ABHD13: variants seen among roughly 807,000 people sequenced by gnomAD.
ABHD13 encodes protein ABHD13.
In ABHD13, 7 loss-of-function variants were observed where a neutral mutation model predicts 25.2. The ratio of observed to expected loss-of-function variants is 0.28; its 90% CI spans 0.16 to 0.52. The LOEUF (loss-of-function observed/expected upper bound fraction) is 0.52. Among genes scored for constraint, ABHD13 ranks in the 20% least tolerant of loss-of-function variants. The pLI is 0.96. For synonymous variants in ABHD13, 133 were observed against 136.1 expected, an observed-to-expected ratio of 0.98 and a Z score of 0.16; for missense variants, 302 against 402.7, an observed-to-expected ratio of 0.75 and a Z score of 2.14.
chr13:108,223,794 G>A (rs983369133), intron 1 of ABHD13, among the ~76,000 whole-genome samples: 1 of 152,188 alleles, frequency 6.6e-6, no homozygotes, highest in African/African-American at 2.4e-5. Flanking sequence ...AGAACCACTG[G>A]CATAGAAAGA....
chr13:108,226,286 A>G (rs1279785385), intron 1 of ABHD13, among the ~76,000 whole-genome samples: 1 of 152,192 alleles, frequency 6.6e-6, no homozygotes, highest in Non-Finnish European at 1.5e-5. Context: ...TCCACAGGAA[A>G]CAGTGTCTTT....
At chr13:108,225,795 A>C (rs941456006) in intron 1 of ABHD13, among the ~76,000 whole-genome samples, 3 of 152,158 alleles carry the variant, frequency 2.0e-5, no homozygotes, top group African/African-American at 7.2e-5. Flanking sequence ...GTAAAAGAAG[A>C]CTGGAAGATG....
intron 1 of ABHD13, among the ~76,000 whole-genome samples, chr13:108,226,010 G>A (rs183722386): frequency 4.6e-5 from 7 of 152,176 alleles, no homozygotes; most frequent in African/African-American, 1.4e-4. Flanking sequence ...CTGAAGACAC[G>A]TTTTATAGGT....
rs140536931 is a variant in ABHD13 at position 108,221,772 on chromosome 13, G to A, written c.-21+3113G>A. On this transcript the variant is annotated intron_variant, in intron 1 of 1. Coordinates refer to ENST00000375898, the MANE Select transcript of ABHD13 (RefSeq NM_032859.3). The stretch of plus-strand genomic sequence containing the variant: ...TTCACTATGGGTAATGCACTTTTTT[G>A]TATTTTTAAAAGACCATTTGCTGGT... 1.0e-3 allele frequency among the ~76,000 whole-genome samples: 152 copies of A among 151,420 alleles called. 1 individual carries two copies. Among genetic ancestry groups the A allele is most frequent in the African/African-American group, 3.1e-3 (129 of 41,260 alleles).
rs1424811053 is a variant in ABHD13 at position 108,232,122 on chromosome 13, T to C, written c.*1890T>C. Reference sequence around the variant, plus strand: ...CTTTAAAGTTTACAAAAAAAAACCTTATGTTTTTATGTAATCAGTCATTAC... The same window carrying C: ...CTTTAAAGTTTACAAAAAAAAACCTCATGTTTTTATGTAATCAGTCATTAC... On this transcript the variant is annotated 3_prime_UTR_variant, in exon 2 of 2. Transcript: ENST00000375898. 1 of 166,558 alleles carries C rather than the reference T, an allele frequency of 6.0e-6. No homozygotes were observed. The highest frequency in any genetic ancestry group is 1.5e-5 in the Non-Finnish European group (1 of 68,002). 10.3% of individuals were successfully genotyped at this position (166,558 alleles called of 1,614,324 possible). A position where few individuals can be genotyped will look rare whatever the true frequency, so the allele number is the denominator to read the frequency against.
chr13:108,224,385 A>T (rs1321514444), intron 1 of ABHD13, among the ~76,000 whole-genome samples: 1 of 152,208 alleles, frequency 6.6e-6, no homozygotes, highest in East Asian at 1.9e-4. Flanking sequence ...GGCCTGCTTC[A>T]GTGGTCCACG....
At chr13:108,223,331 C>A (rs1388036146) in intron 1 of ABHD13, among the ~76,000 whole-genome samples, 1 of 152,148 alleles carries the variant, frequency 6.6e-6, no homozygotes, top group Non-Finnish European at 1.5e-5. Context: ...TGTCAGTTGT[C>A]TTTTTAAATA....
In ABHD13 at chr13:108,229,242, G is replaced by A; in HGVS notation, c.24G>A (p.Trp8Ter). The A allele has an allele frequency of 6.4e-7, 1 of 1,564,200 alleles. No homozygotes were observed. The highest frequency in any genetic ancestry group is 8.6e-7 in the Non-Finnish European group (1 of 1,161,614). The change falls in exon 2 of 2, where the codon TGG becomes TGA. Residue 8 changes from tryptophan (W) to a stop codon, truncating the protein, a stop_gained. Coordinates refer to ENST00000375898, the MANE Select transcript of ABHD13 (RefSeq NM_032859.3). LOFTEE classifies it high-confidence loss of function. This position sits in a 1 kb window ranked among gnomAD's most constrained non-coding sequence, Gnocchi z 4.7. MEKSWML[W>*]NFVERWLIAL... ...CAATGGAAAAGTCCTGGATGCTGTG[G>A]AACTTTGTTGAAAGATGGCTAATAG...
At chr13:108,227,517 A>G (rs1879700662) in intron 1 of ABHD13, among the ~76,000 whole-genome samples, 2 of 152,096 alleles carry the variant, frequency 1.3e-5, no homozygotes, top group Non-Finnish European at 2.9e-5. Context: ...ATATAAATGT[A>G]AATATAAGAT....
chr13:108,222,837 A>G (rs1490379060), intron 1 of ABHD13, among the ~76,000 whole-genome samples: 1 of 152,244 alleles, frequency 6.6e-6, no homozygotes, highest in Non-Finnish European at 1.5e-5. Flanking sequence ...ATATTTTTGT[A>G]ATTATCTTTA....
In ABHD13 at chr13:108,218,394, A is replaced by C. The variant is rs1288448643; in HGVS notation, c.-286A>C. ...AGCGGCTTCTGCGCATGCTCGGAAGAGCGGGCAGGGTTCCCACTCCGGGAG... is the reference window on the plus strand; with the variant it reads ...AGCGGCTTCTGCGCATGCTCGGAAGCGCGGGCAGGGTTCCCACTCCGGGAG... On this transcript the variant is annotated 5_prime_UTR_variant, in exon 1 of 2. Coordinates refer to ENST00000375898, the MANE Select transcript of ABHD13 (RefSeq NM_032859.3). The C allele has an allele frequency of 6.6e-6, 1 of 152,052 alleles. No homozygotes were observed. The highest frequency in any genetic ancestry group is 1.9e-4 in the East Asian group (1 of 5,144). 9.4% of individuals were successfully genotyped at this position (152,052 alleles called of 1,614,324 possible).
At chr13:108,226,798 A>G (rs1314252282) in intron 1 of ABHD13, among the ~76,000 whole-genome samples, 1 of 152,106 alleles carries the variant, frequency 6.6e-6, no homozygotes. Context: ...CCTTCCTGAT[A>G]TTGTTCACTT....
rs1405428237 is a variant in ABHD13 at position 108,232,896 on chromosome 13, AAAC to A, written c.*2668_*2670del. 3 of 166,946 alleles carry A rather than the reference AAAC, an allele frequency of 1.8e-5. No individual in the cohort carries two copies. Among genetic ancestry groups the A allele is most frequent in the African/African-American group, 7.2e-5 (3 of 41,444 alleles). 10.3% of individuals were successfully genotyped at this position (166,946 alleles called of 1,614,324 possible). Reference sequence around the variant, plus strand: ...AGGTAATAGAATACTAGTAGGATAGAAACAACTAGAAAGGAAAGTGTGACACAG... The same window carrying A: ...AGGTAATAGAATACTAGTAGGATAGAAACTAGAAAGGAAAGTGTGACACAG... On this transcript the variant is annotated 3_prime_UTR_variant, in exon 2 of 2. Coordinates refer to ENST00000375898, the MANE Select transcript of ABHD13 (RefSeq NM_032859.3).
Position 108,229,360 on chromosome 13 carries a change from T to G in ABHD13, c.142T>G (p.Leu48Val). 2 of 1,612,822 alleles carry G rather than the reference T, an allele frequency of 1.2e-6. No individual in the cohort carries two copies. Among genetic ancestry groups the G allele is most frequent in the South Asian group, 2.2e-5 (2 of 90,974 alleles). The change falls in exon 2 of 2, where the codon TTA (leucine) becomes GTA (valine). Residue 48 changes from leucine to valine, a missense_variant. Transcript: ENST00000375898. The surrounding 1 kb of genome is among the most constrained non-coding windows in gnomAD (Gnocchi z 4.7). ...GTATGGAGGCATTATCTTACTTTTGTTAATATTCATATCAATAGCAGGTAT... is the reference window on the plus strand; with the variant it reads ...GTATGGAGGCATTATCTTACTTTTGGTAATATTCATATCAATAGCAGGTAT... Reference protein sequence around the residue: ...HLYGGIILLLLIFISIAGILY... With the variant: ...HLYGGIILLLVIFISIAGILY...
At chr13:108,226,942 T>C (rs375335494) in intron 1 of ABHD13, among the ~76,000 whole-genome samples, 6 of 152,032 alleles carry the variant, frequency 3.9e-5, no homozygotes, top group Admixed American at 2.0e-4. Flanking sequence ...AAACCAGCAA[T>C]ATAAGAATAT....
rs188663412 is a variant in ABHD13 at position 108,225,603 on chromosome 13, C to T, written c.-20-3596C>T. 2.2e-3 allele frequency among the ~76,000 whole-genome samples: 332 copies of T among 152,208 alleles called. 1 individual carries two copies. Among genetic ancestry groups the T allele is most frequent in the African/African-American group, 5.9e-3 (244 of 41,530 alleles). On this transcript the variant is annotated intron_variant, in intron 1 of 1. Transcript: ENST00000375898. ...ATTATGAGAAGTCAGTCAGCAAGTT[C>T]TCAGATAGTAAATGGTTAAGGAGTT... is the stretch of plus-strand genomic sequence containing the variant.
In ABHD13 at chr13:108,230,999, A is replaced by G. The variant is rs566325467; in HGVS notation, c.*767A>G. ...GAATTTTACTGCAGCTTTGATGTGC[A>G]TATTTGAACTTTTTAACATTTGTAA... is the stretch of plus-strand genomic sequence containing the variant. On this transcript the variant is annotated 3_prime_UTR_variant, in exon 2 of 2. Coordinates refer to ENST00000375898, the MANE Select transcript of ABHD13 (RefSeq NM_032859.3). 6.0e-6 allele frequency: 1 copy of G among 166,794 alleles called. No individual in the cohort carries two copies. Among genetic ancestry groups the G allele is most frequent in the Admixed American group, 6.6e-5 (1 of 15,224 alleles). The allele number at this position is 166,794 out of a possible 1,614,324, so 10.3% of individuals were successfully genotyped here.
At chr13:108,228,945 G>A (rs1879731313) in intron 1 of ABHD13, among the ~76,000 whole-genome samples, 1 of 151,502 alleles carries the variant, frequency 6.6e-6, no homozygotes, top group African/African-American at 2.4e-5. Context: ...TGAAGAATAA[G>A]CACTTGTTAA....
Position 108,229,129 on chromosome 13 carries a change from T to C in ABHD13, c.-20-70T>C. The C allele has an allele frequency of 1.6e-6, 2 of 1,220,162 alleles. No individual in the cohort carries two copies. Among genetic ancestry groups the C allele is most frequent in the Admixed American group, 5.2e-5 (2 of 38,814 alleles). The allele number at this position is 1,220,162 out of a possible 1,614,324, so 75.6% of individuals were successfully genotyped here. On this transcript the variant is annotated intron_variant, in intron 1 of 1. Transcript: ENST00000375898. The surrounding 1 kb of genome is among the most constrained non-coding windows in gnomAD (Gnocchi z 4.7). ...TTACATGTGGCCTAGTACCATAGTT[T>C]ATTATATTGTGGATTTTTAAAAGAA...
Sources: gnomAD v4.1 joint callset for allele counts (sites outside exome capture counted in the v4.1 genomes callset) on GRCh38, gnomAD v4.1.1 for gene constraint, Gnocchi (gnomAD v3.1) non-coding constraint, MANE v1.5 for transcripts, NCBI Gene and HGNC (gene_info 2026-07-23, HGNC 2026-07-21) for gene names.